The following IRAK3 variants were observed in gnomAD, a reference collection of about 807,000 sequenced individuals.
The protein encoded by IRAK3 is interleukin-1 receptor-associated kinase 3.
Under a neutral mutation model 56.6 loss-of-function variants are expected in IRAK3, and 57 were observed. That is an observed-to-expected ratio of 1.01 (90% CI 0.81 to 1.26). IRAK3 has a LOEUF of 1.26. Among genes scored for constraint, IRAK3 ranks in the 50% most tolerant of loss-of-function variants. The pLI is 0.00. For missense variants in IRAK3, 703 were observed against 719.0 expected (o/e 0.98, Z 0.25); for synonymous variants, 258 against 255.7 (o/e 1.01, Z -0.09).
intron 6 of IRAK3, among the ~76,000 whole-genome samples, chr12:66,220,986 CT>C (rs2052727565): frequency 6.6e-6 from 1 of 152,134 alleles, no homozygotes; most frequent in South Asian, 2.1e-4. Flanking sequence ...AATATTAATT[CT>C]TTCAATTCAG....
chr12:66,233,580 A>G (rs2052868394), intron 8 of IRAK3, among the ~76,000 whole-genome samples: 2 of 152,044 alleles, frequency 1.3e-5, no homozygotes, highest in South Asian at 4.2e-4. Flanking sequence ...GAATTACAGC[A>G]ACACTCGCAC....
chr12:66,199,250 A>C (rs905725695), intron 1 of IRAK3, among the ~76,000 whole-genome samples: 2 of 152,180 alleles, frequency 1.3e-5, no homozygotes, highest in Non-Finnish European at 2.9e-5. Context: ...GACTACAAGA[A>C]CATTTGTTAT....
At chr12:66,228,576 AAG>A (rs1421993524) in intron 8 of IRAK3, among the ~76,000 whole-genome samples, 1 of 152,214 alleles carries the variant, frequency 6.6e-6, no homozygotes, top group Non-Finnish European at 1.5e-5. Flanking sequence ...TGTTGCCAAA[AAG>A]AGAGTTTACA....
chr12:66,217,161 G>A lies in IRAK3; in HGVS notation c.589-10G>A. On this transcript the variant is annotated splice_polypyrimidine_tract_variant and intron_variant, in intron 5 of 11. Coordinates refer to ENST00000261233, the MANE Select transcript of IRAK3 (RefSeq NM_007199.3). ...TCCTTAATTTTGTTCTTGTCTTTCT[G>A]TATATGTAGGAGAAAAAAATGCAGT... 2 of 1,590,274 alleles carry A rather than the reference G, an allele frequency of 1.3e-6. No homozygotes were observed. The highest frequency in any genetic ancestry group is 8.6e-7 in the Non-Finnish European group (1 of 1,158,440).
At position 66,254,172 on chromosome 12, in the gene IRAK3, G is replaced by C. The variant is rs1474484625; in HGVS notation, c.*6001G>C. On this transcript the variant is annotated 3_prime_UTR_variant, in exon 12 of 12. Transcript: ENST00000261233. ...AATGTTGATACACCTTTACCCAGCA[G>C]TTTGTTTAGGAATTTATCCTAATGA... The C allele has an allele frequency of 6.6e-6, 1 of 152,100 alleles. No individual in the cohort carries two copies. The highest frequency in any genetic ancestry group is 1.5e-5 in the Non-Finnish European group (1 of 68,012). 9.4% of individuals were successfully genotyped at this position (152,100 alleles called of 1,614,324 possible). A position where few individuals can be genotyped will look rare whatever the true frequency, so the allele number is the denominator to read the frequency against.
intron 8 of IRAK3, among the ~76,000 whole-genome samples, chr12:66,231,257 A>G (rs774348596): frequency 1.3e-5 from 2 of 152,198 alleles, no homozygotes; most frequent in Non-Finnish European, 1.5e-5. Flanking sequence ...CACATCCATA[A>G]TCCCAGCACT....
At chr12:66,202,606 C>T (rs1231469546) in intron 1 of IRAK3, among the ~76,000 whole-genome samples, 2 of 151,490 alleles carry the variant, frequency 1.3e-5, no homozygotes, top group Non-Finnish European at 2.9e-5. Flanking sequence ...GGCAAAACCC[C>T]ATCTCTACCA....
chr12:66,215,785 T>TGCAC (rs150339586), intron 5 of IRAK3, among the ~76,000 whole-genome samples: 1 of 31,176 alleles, frequency 3.2e-5, no homozygotes. Context: ...TAACCCAACA[T>TGCAC]GCACACACAC....
chr12:66,230,182 GTC>G (rs1225223737), intron 8 of IRAK3, among the ~76,000 whole-genome samples: 1 of 152,202 alleles, frequency 6.6e-6, no homozygotes, highest in African/African-American at 2.4e-5. Flanking sequence ...GCCTAACAGT[GTC>G]TCTCTGCTGG....
At chr12:66,198,823 T>G (rs545722830) in intron 1 of IRAK3, among the ~76,000 whole-genome samples, 11 of 151,744 alleles carry the variant, frequency 7.2e-5, no homozygotes, top group African/African-American at 2.7e-4. Context: ...TGGTGCAATC[T>G]TGGCTCACTG....
At chr12:66,212,517 A>G (rs897265095) in intron 5 of IRAK3, among the ~76,000 whole-genome samples, 3 of 152,208 alleles carry the variant, frequency 2.0e-5, no homozygotes, top group Non-Finnish European at 2.9e-5. Flanking sequence ...AAACTCTTAT[A>G]TGGACTGGGT....
chr12:66,234,893 T>C (rs2052886399), intron 8 of IRAK3: 1 of 1,614,154 alleles, frequency 6.2e-7, no homozygotes, highest in Non-Finnish European at 8.5e-7. Context: ...TTCCTGTTGC[T>C]TTGCCATTTG....
chr12:66,195,056 T>C (rs1168771), intron 1 of IRAK3, among the ~76,000 whole-genome samples: 71,873 of 151,980 alleles, frequency 0.47, 18,876 homozygotes, highest in African/African-American at 0.71. Flanking sequence ...ACATCTCCAA[T>C]TTAACAGCTC....
chr12:66,242,171 A>T (rs984624106), intron 8 of IRAK3, among the ~76,000 whole-genome samples: 1 of 152,198 alleles, frequency 6.6e-6, no homozygotes, highest in African/African-American at 2.4e-5. Context: ...GAAATGGGGC[A>T]TGCAGAAGTG....
intron 5 of IRAK3, among the ~76,000 whole-genome samples, chr12:66,213,150 G>A (rs562885888): frequency 4.6e-5 from 7 of 152,152 alleles, no homozygotes; most frequent in Non-Finnish European, 7.4e-5. Flanking sequence ...TGAAAGGCAC[G>A]CCTTACGATG....
chr12:66,197,552 C>T, intron 1 of IRAK3: 1 of 985,200 alleles, frequency 1.0e-6, no homozygotes, highest in Non-Finnish European at 1.2e-6. Flanking sequence ...GTGTGAATCA[C>T]CAGTTGGAAA....
intron 6 of IRAK3, among the ~76,000 whole-genome samples, chr12:66,222,100 G>GT (rs1428374270): frequency 1.3e-5 from 2 of 152,142 alleles, no homozygotes; most frequent in African/African-American, 2.4e-5. Context: ...GAGGATTTTT[G>GT]TATCTATGGC....
At chr12:66,202,992 A>G (rs1225425341) in intron 1 of IRAK3, among the ~76,000 whole-genome samples, 1 of 152,096 alleles carries the variant, frequency 6.6e-6, no homozygotes, top group African/African-American at 2.4e-5. Context: ...AAATAAATAA[A>G]TGTAGGAGAA....
In IRAK3 at chr12:66,203,716, A is replaced by G. The variant is rs940482150; in HGVS notation, c.139A>G (p.Arg47Gly). ...GALGWRGLAE[R>G]LSSSWLDVRH... ...TTATATTGCAATTTCCACAGCAGAGAGACTTTCAAGCAGCTGGCTGGATGT... is the reference window on the plus strand; with the variant it reads ...TTATATTGCAATTTCCACAGCAGAGGGACTTTCAAGCAGCTGGCTGGATGT... Residue 47 changes from arginine (R) to glycine (G), a missense_variant, in exon 2 of 12, where the codon AGA (arginine) becomes GGA (glycine). Arg to Gly is a moderately radical substitution (Grantham distance 125). Coordinates refer to ENST00000261233, the MANE Select transcript of IRAK3 (RefSeq NM_007199.3). The G allele has an allele frequency of 6.2e-7, 1 of 1,614,000 alleles. No homozygotes were observed. Among genetic ancestry groups the G allele is most frequent in the Non-Finnish European group, 8.5e-7 (1 of 1,179,926 alleles).
Sources: gnomAD v4.1 joint callset for allele counts (sites outside exome capture counted in the v4.1 genomes callset) on GRCh38, gnomAD v4.1.1 for gene constraint, MANE v1.5 for transcripts, NCBI Gene and HGNC (gene_info 2026-07-23, HGNC 2026-07-21) for gene names.